HHIP: variants seen among roughly 807,000 people sequenced by gnomAD.
HHIP encodes the protein hedgehog interacting protein, also known as hedgehog-interacting protein.
HHIP carries 12 observed loss-of-function variants against 74.0 expected under a neutral mutation model. The observed-to-expected ratio is 0.16, with a 90% CI of 0.10 to 0.26. The LOEUF is 0.26. Ranked by LOEUF, HHIP falls within the 10% of genes least tolerant of loss-of-function variation. The pLI is 1.00. For synonymous variants in HHIP, 309 were observed against 311.6 expected (o/e 0.99, Z 0.09); for missense variants, 788 against 845.0 (o/e 0.93, Z 0.84).
intron 4 of HHIP, among the ~76,000 whole-genome samples, chr4:144,687,079 T>C (rs1729507289): frequency 6.6e-6 from 1 of 152,248 alleles, no homozygotes; most frequent in Non-Finnish European, 1.5e-5. Context: ...TTTGTCATTC[T>C]ATGTAATTAT....
intron 4 of HHIP, among the ~76,000 whole-genome samples, chr4:144,691,354 C>T (rs1729658004): frequency 6.6e-6 from 1 of 152,078 alleles, no homozygotes; most frequent in Non-Finnish European, 1.5e-5. Context: ...GTCCCTGATT[C>T]CTGCTGTCTA....
Position 144,738,694 on chromosome 4 carries a change from AT to A in HHIP, c.*741del. 1.4e-6 allele frequency: 1 copy of A among 735,902 alleles called. No homozygotes were observed. The highest frequency in any genetic ancestry group is 1.7e-6 in the Non-Finnish European group (1 of 602,210). 45.6% of individuals were successfully genotyped at this position (735,902 alleles called of 1,614,324 possible). On this transcript the variant is annotated 3_prime_UTR_variant, in exon 13 of 13. Coordinates refer to ENST00000296575, the MANE Select transcript of HHIP (RefSeq NM_022475.3). ...CTGGGTTTGTGTTACATATTTATAT[AT>A]TTTATTTTATTTTTATAATATAGAC...
chr4:144,724,003 T>C (rs1158534589), intron 11 of HHIP, among the ~76,000 whole-genome samples: 1 of 152,186 alleles, frequency 6.6e-6, no homozygotes, highest in Non-Finnish European at 1.5e-5. Context: ...CAATACCTTT[T>C]CATCTAACAA....
intron 4 of HHIP, among the ~76,000 whole-genome samples, chr4:144,686,930 C>T (rs1351062839): frequency 2.6e-5 from 4 of 151,916 alleles, no homozygotes; most frequent in Non-Finnish European, 5.9e-5. Flanking sequence ...AAGAAAGACG[C>T]TTAGCCTCTA....
At chr4:144,726,055 C>A (rs952218141) in intron 11 of HHIP, among the ~76,000 whole-genome samples, 1 of 152,052 alleles carries the variant, frequency 6.6e-6, no homozygotes, top group Non-Finnish European at 1.5e-5. Flanking sequence ...GAAAAAAATT[C>A]TCTGGTTATA....
intron 6 of HHIP, 63 bp downstream of exon 6, chr4:144,707,323 A>C: frequency 2.2e-6 from 3 of 1,373,744 alleles, no homozygotes. Context: ...CCAGAAGAAA[A>C]GGTGGGCACC....
At chr4:144,737,414 A>G (rs1476938687) in intron 12 of HHIP, among the ~76,000 whole-genome samples, 1 of 152,210 alleles carries the variant, frequency 6.6e-6, no homozygotes, top group Non-Finnish European at 1.5e-5. Context: ...ATGGGAACAT[A>G]GAGCTTGGGA....
chr4:144,685,446 A>G (rs1352895887), intron 4 of HHIP, among the ~76,000 whole-genome samples: 3 of 152,254 alleles, frequency 2.0e-5, no homozygotes, highest in African/African-American at 7.2e-5. Context: ...ATCATAAAGT[A>G]GACATTAAAA....
In HHIP at chr4:144,671,472, G is replaced by C. The variant is rs550387437; in HGVS notation, c.831+11634G>C. Among the ~76,000 whole-genome samples the C allele has an allele frequency of 8.5e-5, 13 of 152,286 alleles. No individual in the cohort carries two copies. The South Asian group carries it at 1.0e-3, about 12-fold the overall frequency. ...CTTGAGAAGAATTAGTTATTGGAGA[G>C]ACTACTAAATAAAACTTAGGTGACA... On this transcript the variant is annotated intron_variant, in intron 4 of 12. Transcript: ENST00000296575.
At chr4:144,652,475 G>A in intron 1 of HHIP, 130 bp from the exon 2 acceptor site, 2 of 628,896 alleles carry the variant, frequency 3.2e-6, no homozygotes, top group Non-Finnish European at 5.6e-6. Context: ...TTGTGACACA[G>A]TAATTCTTTT....
At chr4:144,647,423 A>T (rs567293506) in intron 1 of HHIP, among the ~76,000 whole-genome samples, 86 of 152,290 alleles carry the variant, frequency 5.6e-4, no homozygotes, top group South Asian at 4.1e-3. Context: ...TGGTTGGTTT[A>T]TGATCCCCAG....
intron 4 of HHIP, among the ~76,000 whole-genome samples, chr4:144,697,726 T>A (rs1325043859): frequency 6.6e-6 from 1 of 152,082 alleles, no homozygotes; most frequent in African/African-American, 2.4e-5. Context: ...CATATATACA[T>A]AACATTGTGA....
At position 144,741,670 on chromosome 4, in the gene HHIP, C is replaced by A. The variant is rs2639578; in HGVS notation, c.*3713C>A. The A allele has an allele frequency of 0.97, 146,815 of 152,118 alleles. 71,061 individuals carry two copies. Among genetic ancestry groups the A allele is most frequent in the East Asian group, 1 (5,178 of 5,178 alleles). The allele number at this position is 152,118 out of a possible 1,614,324, so 9.4% of individuals were successfully genotyped here. On this transcript the variant is annotated 3_prime_UTR_variant, in exon 13 of 13. Transcript: ENST00000296575. ...GTGCTAGGATTACAGGCGTGAGCCA[C>A]CATGCCCAGCTTCCATTTGCTTTTG...
chr4:144,651,421 A>G (rs905206065), intron 1 of HHIP, among the ~76,000 whole-genome samples: 13 of 152,084 alleles, frequency 8.5e-5, no homozygotes, highest in African/African-American at 3.1e-4. Flanking sequence ...AATTTTTGTG[A>G]TGACCTAGAA....
intron 2 of HHIP, among the ~76,000 whole-genome samples, chr4:144,656,364 G>T (rs1341508480): frequency 6.6e-6 from 1 of 152,142 alleles, no homozygotes; most frequent in Admixed American, 6.5e-5. Context: ...AGCAGGCATT[G>T]TACCTCTGGA....
intron 6 of HHIP, among the ~76,000 whole-genome samples, chr4:144,707,645 G>GAAAAAAAAAAAAAAAA (rs1469019633): frequency 2.1e-3 from 1 of 466 alleles, no homozygotes; most frequent in Non-Finnish European, 4.8e-3. Flanking sequence ...GAGAACAGAG[G>GAAAAAAAAAAAAAAAA]CAAAAAAAAA....
In HHIP at chr4:144,744,785, T is replaced by C. The variant is rs1301478456; in HGVS notation, c.*6828T>C. On this transcript the variant is annotated 3_prime_UTR_variant, in exon 13 of 13. Transcript: ENST00000296575. ...GACAAGGACATTTACTAGGGGGGGA[T>C]TGTGGGCCCAATCGGCATCATAAGC... is the stretch of plus-strand genomic sequence containing the variant. 1.3e-5 allele frequency: 2 copies of C among 151,564 alleles called. No homozygotes were observed. The highest frequency in any genetic ancestry group is 4.9e-5 in the African/African-American group (2 of 41,234). The allele number at this position is 151,564 out of a possible 1,614,324, so 9.4% of individuals were successfully genotyped here. A position where few individuals can be genotyped will look rare whatever the true frequency, so the allele number is the denominator to read the frequency against.
At chr4:144,666,182 C>T (rs1316382859) in intron 4 of HHIP, among the ~76,000 whole-genome samples, 1 of 151,908 alleles carries the variant, frequency 6.6e-6, no homozygotes, top group Non-Finnish European at 1.5e-5. Context: ...AAAACTATCT[C>T]TAAATGGCAG....
At chr4:144,692,891 A>AG (rs1729713064) in intron 4 of HHIP, among the ~76,000 whole-genome samples, 3 of 151,426 alleles carry the variant, frequency 2.0e-5, no homozygotes, top group African/African-American at 7.3e-5. Flanking sequence ...AAAGCCATCA[A>AG]GAGGAGCCAA....
Sources: allele counts gnomAD v4.1 joint callset (sites outside exome capture counted in the v4.1 genomes callset), GRCh38; gene constraint gnomAD v4.1.1; transcripts MANE v1.5; gene names NCBI Gene and HGNC (gene_info 2026-07-23, HGNC 2026-07-21).